The following KCND3 variants were observed in gnomAD, a reference collection of about 807,000 sequenced individuals.
The protein encoded by KCND3 is A-type voltage-gated potassium channel KCND3.
In KCND3, 9 loss-of-function variants were observed where a neutral mutation model predicts 51.1. The ratio of observed to expected loss-of-function variants is 0.18; its 90% CI spans 0.11 to 0.31. The LOEUF is 0.31. Among genes scored for constraint, KCND3 ranks in the 10% least tolerant of loss-of-function variants. KCND3 has a pLI of 1.00. For missense variants in KCND3, 526 were observed against 903.8 expected (o/e 0.58, Z 5.36); for synonymous variants, 349 against 368.0 (o/e 0.95, Z 0.59).
At chr1:111,903,101 G>A (rs1471228146) in intron 2 of KCND3, among the ~76,000 whole-genome samples, 1 of 152,160 alleles carries the variant, frequency 6.6e-6, no homozygotes, top group Non-Finnish European at 1.5e-5. Flanking sequence ...GGGCTGTCCA[G>A]AGAAAGAGGT....
intron 2 of KCND3, among the ~76,000 whole-genome samples, chr1:111,830,831 A>T (rs1051668436): frequency 5.3e-5 from 8 of 152,276 alleles, no homozygotes; most frequent in Non-Finnish European, 4.4e-5. Context: ...ATTAATAAAC[A>T]AGTATTTAAA....
At chr1:111,948,419 G>T (rs1452855694) in intron 2 of KCND3, among the ~76,000 whole-genome samples, 1 of 152,214 alleles carries the variant, frequency 6.6e-6, no homozygotes, top group African/African-American at 2.4e-5. Flanking sequence ...CGGCAGCCCT[G>T]GGAGGTGCCA....
chr1:111,776,911 A>C, intron 7 of KCND3, 115 bp downstream of exon 7: 1 of 1,551,188 alleles, frequency 6.4e-7, no homozygotes. Flanking sequence ...GGGCTCATGC[A>C]TTAGATAAGG....
intron 2 of KCND3, among the ~76,000 whole-genome samples, chr1:111,834,688 C>A (rs918142854): frequency 5.3e-5 from 8 of 152,208 alleles, no homozygotes; most frequent in Non-Finnish European, 8.8e-5. Flanking sequence ...AAAAAGTCTG[C>A]CTCAGAATTA....
intron 2 of KCND3, among the ~76,000 whole-genome samples, chr1:111,901,954 G>A (rs1250869266): frequency 2.0e-5 from 3 of 152,308 alleles, no homozygotes; most frequent in Admixed American, 2.0e-4. Flanking sequence ...GCCAGGAGAA[G>A]TTGAGGACCC....
In KCND3 at chr1:111,883,335, A is replaced by C. The variant is rs374652366; in HGVS notation, c.1107-96229T>G. 2.0e-5 allele frequency among the ~76,000 whole-genome samples: 3 copies of C among 152,386 alleles called. No homozygotes were observed. In the East Asian group the frequency reaches 5.8e-4, roughly 29 times the overall value. On this transcript the variant is annotated intron_variant, in intron 2 of 7. Coordinates refer to ENST00000302127, the MANE Select transcript of KCND3 (RefSeq NM_001378969.1). ...AGATCTGTCTGATACACAAGCTTACATTCTTAACTTCCTGGAGAATTACAC... is the reference window on the plus strand; with the variant it reads ...AGATCTGTCTGATACACAAGCTTACCTTCTTAACTTCCTGGAGAATTACAC...
At chr1:111,798,079 GACTC>G in intron 2 of KCND3, among the ~76,000 whole-genome samples, 1 of 152,316 alleles carries the variant, frequency 6.6e-6, no homozygotes, top group South Asian at 2.1e-4. Flanking sequence ...CTTAGTAACT[GACTC>G]ACTGTGAGGG....
intron 2 of KCND3, among the ~76,000 whole-genome samples, chr1:111,886,094 C>T (rs768294582): frequency 4.6e-5 from 7 of 152,142 alleles, no homozygotes; most frequent in Non-Finnish European, 7.4e-5. Flanking sequence ...CAAATAAATC[C>T]TGTATTAGTT....
intron 2 of KCND3, among the ~76,000 whole-genome samples, chr1:111,969,007 GC>G (rs1557755839): frequency 6.6e-6 from 1 of 152,008 alleles, no homozygotes; most frequent in Non-Finnish European, 1.5e-5. Flanking sequence ...ACCCTCTCAG[GC>G]TTTTTTTTTT....
chr1:111,885,708 T>C (rs990931366), intron 2 of KCND3, among the ~76,000 whole-genome samples: 1 of 152,042 alleles, frequency 6.6e-6, no homozygotes, highest in Non-Finnish European at 1.5e-5. Context: ...GTTTCACTCT[T>C]GTCACCCAGG....
At chr1:111,954,053 C>T (rs1483543373) in intron 2 of KCND3, among the ~76,000 whole-genome samples, 2 of 152,172 alleles carry the variant, frequency 1.3e-5, no homozygotes, top group African/African-American at 4.8e-5. Context: ...CCTTCCCTGC[C>T]AGGTCACTGT....
At chr1:111,974,583 C>A (rs771594247) in intron 2 of KCND3, among the ~76,000 whole-genome samples, 5 of 152,120 alleles carry the variant, frequency 3.3e-5, no homozygotes, top group Non-Finnish European at 7.4e-5. Context: ...TGGACAAGAG[C>A]CCTGCAATGG....
At chr1:111,830,877 C>T (rs963174395) in intron 2 of KCND3, among the ~76,000 whole-genome samples, 26 of 152,128 alleles carry the variant, frequency 1.7e-4, no homozygotes, top group African/African-American at 5.6e-4. Context: ...ATTTCTAACC[C>T]TACATATTCC....
chr1:111,889,561 A>G (rs1355587868), intron 2 of KCND3, among the ~76,000 whole-genome samples: 2 of 152,002 alleles, frequency 1.3e-5, no homozygotes, highest in Non-Finnish European at 2.9e-5. Flanking sequence ...TTTTTTTTAA[A>G]TCATTTTAGG....
intron 2 of KCND3, among the ~76,000 whole-genome samples, chr1:111,927,839 C>G (rs911550082): frequency 6.6e-6 from 1 of 152,180 alleles, no homozygotes; most frequent in Non-Finnish European, 1.5e-5. Context: ...CCAGGGCTCA[C>G]TCCTCTTCCC....
intron 2 of KCND3, among the ~76,000 whole-genome samples, chr1:111,908,787 C>T (rs1020220139): frequency 6.6e-6 from 1 of 152,060 alleles, no homozygotes; most frequent in African/African-American, 2.4e-5. Context: ...TCACCCATTC[C>T]CTTCCCCAAC....
At chr1:111,828,519 T>C (rs1666681843) in intron 2 of KCND3, among the ~76,000 whole-genome samples, 1 of 152,072 alleles carries the variant, frequency 6.6e-6, no homozygotes, top group South Asian at 2.1e-4. Flanking sequence ...TTATCACTGC[T>C]ACCTGGACAA....
intron 2 of KCND3, among the ~76,000 whole-genome samples, chr1:111,926,521 C>T (rs1390446710): frequency 2.6e-5 from 4 of 152,336 alleles, no homozygotes; most frequent in East Asian, 3.9e-4. Flanking sequence ...GTGCCTGTCC[C>T]GTAGAAGGGT....
chr1:111,985,017 C>T (rs1017668313), intron 1 of KCND3, among the ~76,000 whole-genome samples: 1 of 152,190 alleles, frequency 6.6e-6, no homozygotes, highest in African/African-American at 2.4e-5. Flanking sequence ...CAATTGAGCA[C>T]TTACGCTATG....
Sources: gnomAD v4.1 joint callset for allele counts (sites outside exome capture counted in the v4.1 genomes callset) on GRCh38, gnomAD v4.1.1 for gene constraint, MANE v1.5 for transcripts, NCBI Gene and HGNC (gene_info 2026-07-23, HGNC 2026-07-21) for gene names.